Variants in PKIB observed in about 807,000 individuals in gnomAD.
PKIB encodes cAMP-dependent protein kinase inhibitor beta.
PKIB carries 2 observed loss-of-function variants against 4.5 expected under a neutral mutation model. The observed-to-expected ratio is 0.44, with a 90% confidence interval of 0.18 to 1.39. The LOEUF (loss-of-function observed/expected upper bound fraction) is 1.39, where lower values mean the gene tolerates loss of function less well. PKIB is among the 40% of genes most tolerant of loss of function. PKIB has a pLI of 0.27. For missense variants in PKIB, 94 were observed against 92.6 expected (o/e 1.02, Z -0.06); for synonymous variants, 38 against 36.0 (o/e 1.06, Z -0.20).
intron 2 of PKIB, among the ~76,000 whole-genome samples, chr6:122,651,665 G>A (rs901883089): frequency 4.6e-5 from 7 of 152,138 alleles, no homozygotes; most frequent in Admixed American, 1.3e-4. Context: ...AATTCATTTT[G>A]TGTTGTAATT....
chr6:122,492,392 A>G (rs1706808977), intron 2 of PKIB, among the ~76,000 whole-genome samples: 1 of 152,162 alleles, frequency 6.6e-6, no homozygotes, highest in South Asian at 2.1e-4. Context: ...TCTACGACCT[A>G]TGGTTACTTC....
intron 2 of PKIB, among the ~76,000 whole-genome samples, chr6:122,647,000 T>TC (rs1776346395): frequency 6.6e-6 from 1 of 152,080 alleles, no homozygotes; most frequent in Non-Finnish European, 1.5e-5. Context: ...TTACATGCCC[T>TC]CACAATCTAT....
intron 2 of PKIB, among the ~76,000 whole-genome samples, chr6:122,537,798 T>A (rs1190827397): frequency 9.2e-5 from 14 of 152,056 alleles, no homozygotes; most frequent in Non-Finnish European, 2.1e-4. Flanking sequence ...CCACCAACAG[T>A]GTAAAAGTGT....
chr6:122,676,093 A>G (rs1777661494), intron 3 of PKIB, among the ~76,000 whole-genome samples: 1 of 151,924 alleles, frequency 6.6e-6, no homozygotes, highest in African/African-American at 2.4e-5. Context: ...TATACAATTC[A>G]TCACAATGTA....
intron 2 of PKIB, among the ~76,000 whole-genome samples, chr6:122,656,961 G>T (rs1369437907): frequency 6.6e-6 from 1 of 152,034 alleles, no homozygotes; most frequent in African/African-American, 2.4e-5. Flanking sequence ...ATTGTAAATT[G>T]TAAATTATAT....
chr6:122,660,173 C>T (rs954895954), intron 2 of PKIB, among the ~76,000 whole-genome samples: 5 of 152,166 alleles, frequency 3.3e-5, no homozygotes, highest in African/African-American at 9.7e-5. Context: ...AAAGCCCCCA[C>T]CAATTAAGGT....
chr6:122,669,601 C>T (rs998664364), intron 2 of PKIB, among the ~76,000 whole-genome samples: 2 of 152,074 alleles, frequency 1.3e-5, no homozygotes, highest in Non-Finnish European at 2.9e-5. Context: ...ATATACTATA[C>T]AAAATTGCTG....
At chr6:122,571,193 C>T (rs1773357069) in intron 2 of PKIB, among the ~76,000 whole-genome samples, 1 of 151,810 alleles carries the variant, frequency 6.6e-6, no homozygotes, top group Non-Finnish European at 1.5e-5. Flanking sequence ...CCCAATCAGA[C>T]AAAGATAAAG....
intron 3 of PKIB, among the ~76,000 whole-genome samples, chr6:122,693,666 T>C (rs1778440060): frequency 6.6e-6 from 1 of 152,246 alleles, no homozygotes; most frequent in Non-Finnish European, 1.5e-5. Context: ...TGATGTGGAC[T>C]ACACAGTGTC....
Position 122,560,287 on chromosome 6 carries a change from A to C in PKIB, c.-247-25634A>C, listed in dbSNP as rs1488682817. Among the ~76,000 whole-genome samples the C allele has an allele frequency of 2.0e-5, 3 of 151,308 alleles. No homozygotes were observed. In the South Asian group the frequency reaches 6.2e-4, roughly 31 times the overall value. ...TTTTGTTGAATGCTTTTTTTTTTGC[A>C]TCTATTGAGATGATCATGTGATTTT... On this transcript the variant is annotated intron_variant, in intron 2 of 6. Transcript: ENST00000392491.
At chr6:122,682,817 C>G (rs1777953124) in intron 3 of PKIB, among the ~76,000 whole-genome samples, 1 of 152,174 alleles carries the variant, frequency 6.6e-6, no homozygotes, top group Non-Finnish European at 1.5e-5. Context: ...TTTTACTTTA[C>G]TGTCCAAAGC....
At chr6:122,624,016 C>A (rs1326799093) in intron 1 of PKIB, among the ~76,000 whole-genome samples, 1 of 152,042 alleles carries the variant, frequency 6.6e-6, no homozygotes, top group African/African-American at 2.4e-5. Flanking sequence ...GTGGTAAATA[C>A]TATTATTATA....
chr6:122,599,366 C>T (rs1190618765), intron 3 of PKIB, among the ~76,000 whole-genome samples: 1 of 152,182 alleles, frequency 6.6e-6, no homozygotes. Flanking sequence ...GTTGCAGGGT[C>T]CCATTCTTTT....
At chr6:122,581,825 A>AT (rs767135204) in intron 2 of PKIB, 2 of 152,080 alleles carry the variant, frequency 1.3e-5, no homozygotes, top group Non-Finnish European at 2.9e-5. Context: ...ACATTCACTG[A>AT]TTGAGCCATG....
At chr6:122,594,791 C>T (rs1044355760) in intron 3 of PKIB, among the ~76,000 whole-genome samples, 8 of 152,126 alleles carry the variant, frequency 5.3e-5, no homozygotes, top group Non-Finnish European at 7.3e-5. Context: ...TCCCATTGAC[C>T]TTAATAGCAG....
At chr6:122,508,248 G>A (rs1376468146) in intron 2 of PKIB, among the ~76,000 whole-genome samples, 1 of 152,180 alleles carries the variant, frequency 6.6e-6, no homozygotes, top group Admixed American at 6.5e-5. Context: ...TATAAAATAA[G>A]AATATGTATT....
intron 1 of PKIB, among the ~76,000 whole-genome samples, chr6:122,623,154 A>G (rs1010975612): frequency 3.3e-5 from 5 of 152,222 alleles, no homozygotes; most frequent in Non-Finnish European, 7.3e-5. Context: ...AGAATTTGCC[A>G]CTAATATTTG....
chr6:122,671,586 T>C (rs904973096), intron 2 of PKIB, among the ~76,000 whole-genome samples: 3 of 152,324 alleles, frequency 2.0e-5, no homozygotes, highest in Admixed American at 2.0e-4. Context: ...TAACCTGACA[T>C]GATTTTTATG....
chr6:122,500,050 GAGAC>G (rs1232455556), intron 2 of PKIB, among the ~76,000 whole-genome samples: 3 of 152,126 alleles, frequency 2.0e-5, no homozygotes, highest in Non-Finnish European at 4.4e-5. Context: ...AGTTATAAAT[GAGAC>G]AGACAAATGG....
Sources: allele counts gnomAD v4.1 joint callset (sites outside exome capture counted in the v4.1 genomes callset), GRCh38; gene constraint gnomAD v4.1.1; transcripts MANE v1.5; gene names NCBI Gene and HGNC (gene_info 2026-07-23, HGNC 2026-07-21).